DERA: variants seen among roughly 807,000 people sequenced by gnomAD.
DERA encodes the protein 2-deoxy-D-ribose 5-phosphate aldolase.
A neutral mutation model predicts 41.1 loss-of-function variants in DERA; 15 were observed. That is an observed-to-expected ratio of 0.37 (90% confidence interval 0.24 to 0.56). DERA has a LOEUF of 0.56. Ranked by LOEUF, DERA falls within the 20% of genes least tolerant of loss-of-function variation. DERA has a pLI of 0.81. For synonymous variants in DERA, 139 were observed against 137.4 expected (o/e 1.01, Z -0.08); for missense variants, 396 against 403.4 (o/e 0.98, Z 0.16).
intron 1 of DERA, among the ~76,000 whole-genome samples, chr12:15,930,597 G>A (rs1040106586): frequency 1.3e-4 from 20 of 151,878 alleles, no homozygotes; most frequent in African/African-American, 2.4e-4. Context: ...CTTTTTTGTC[G>A]TTGCCAAAAT....
chr12:15,982,326 G>A lies in DERA; in HGVS notation c.527G>A (p.Arg176His), dbSNP rs746188769. 47 of 1,612,950 alleles carry A rather than the reference G, an allele frequency of 2.9e-5. No homozygotes were observed. Among genetic ancestry groups the A allele is most frequent in the Middle Eastern group, 1.6e-4 (1 of 6,080 alleles). The change falls in exon 6 of 9, where the codon CGT becomes CAT. Residue 176 changes from arginine (R) to histidine (H), a missense_variant. Physicochemically the swap from Arg to His is conservative, Grantham distance 29. Coordinates refer to ENST00000428559, the MANE Select transcript of DERA (RefSeq NM_015954.4). The surrounding 1 kb of genome is among the most constrained non-coding windows in gnomAD (Gnocchi z 4.0). Reference sequence around the variant, plus strand: ...TCCCCAGCCCTGTATGATGAGATTCGTCAGTTTCGCAAGGCCTGTGGGGAG... The same window carrying A: ...TCCCCAGCCCTGTATGATGAGATTCATCAGTTTCGCAAGGCCTGTGGGGAG... Reference protein sequence around the residue: ...GQWEALYDEIRQFRKACGEAH... With the variant: ...GQWEALYDEIHQFRKACGEAH...
chr12:15,943,928 T>A lies in DERA; in HGVS notation c.32-13008T>A, dbSNP rs1172654061. Among the ~76,000 whole-genome samples the A allele has an allele frequency of 1.5e-5, 2 of 134,150 alleles. No individual in the cohort carries two copies. The highest frequency in any genetic ancestry group is 2.6e-4 in the South Asian group (1 of 3,834). 88.0% of individuals were successfully genotyped at this position (134,150 alleles called of 152,430 possible). On this transcript the variant is annotated intron_variant, in intron 1 of 8. Transcript: ENST00000428559. The surrounding 1 kb of genome is among the most constrained non-coding windows in gnomAD (Gnocchi z 4.5). ...GGTGTGTGATGTTCCCCTTCCTGTG[T>A]CCAAGTGTTCTCATTGTTCAATTCC...
intron 6 of DERA, among the ~76,000 whole-genome samples, chr12:16,028,156 G>A (rs1949065087): frequency 6.6e-6 from 1 of 152,184 alleles, no homozygotes; most frequent in South Asian, 2.1e-4. Context: ...AGGAGCCAGG[G>A]CTCATTGGAG....
chr12:15,944,693 A>G (rs1340019695), intron 1 of DERA, among the ~76,000 whole-genome samples: 13 of 152,106 alleles, frequency 8.5e-5, no homozygotes, highest in Non-Finnish European at 1.0e-4. Flanking sequence ...TGTTCACTCT[A>G]ATGGTAGTTT....
intron 5 of DERA, among the ~76,000 whole-genome samples, chr12:15,973,958 G>T (rs1948681044): frequency 6.6e-6 from 1 of 152,222 alleles, no homozygotes; most frequent in East Asian, 1.9e-4. Context: ...TTACAGAAAA[G>T]TTGTAAAATT....
rs1297483386 is a variant in DERA, at chr12:15,959,116, A to C, written c.278-713A>C. On this transcript the variant is annotated intron_variant, in intron 3 of 8. Coordinates refer to ENST00000428559, the MANE Select transcript of DERA (RefSeq NM_015954.4). The surrounding 1 kb of genome is among the most constrained non-coding windows in gnomAD (Gnocchi z 4.5). ...TGCAGGTCTTTTATCCCAAATAAAC[A>C]CGTTTAGGTTTGTAGGTAACATACA... 6.6e-6 allele frequency among the ~76,000 whole-genome samples: 1 copy of C among 152,020 alleles called. No individual in the cohort carries two copies. The highest frequency in any genetic ancestry group is 1.5e-5 in the Non-Finnish European group (1 of 68,004).
At chr12:15,968,873 A>C (rs1948641599) in intron 5 of DERA, among the ~76,000 whole-genome samples, 1 of 152,204 alleles carries the variant, frequency 6.6e-6, no homozygotes, top group South Asian at 2.1e-4. Flanking sequence ...TGTTAAGTGA[A>C]TAAAGTGGAA....
At chr12:15,917,519 C>T (rs982706309) in intron 1 of DERA, among the ~76,000 whole-genome samples, 4 of 152,166 alleles carry the variant, frequency 2.6e-5, no homozygotes, top group Non-Finnish European at 2.9e-5. Context: ...TCCCAGGAAT[C>T]CATTGTGCTA....
chr12:15,927,910 T>C (rs1467039654), intron 1 of DERA, among the ~76,000 whole-genome samples: 1 of 152,106 alleles, frequency 6.6e-6, no homozygotes, highest in Non-Finnish European at 1.5e-5. Flanking sequence ...CTAAAAACCA[T>C]ATAAGGGAAG....
intron 1 of DERA, among the ~76,000 whole-genome samples, chr12:15,934,300 C>T (rs1272679082): frequency 1.3e-5 from 2 of 152,070 alleles, no homozygotes; most frequent in South Asian, 4.1e-4. Context: ...AGAAGTTTTA[C>T]AATAGGCCCT....
rs1003971800 is a variant in DERA at position 15,978,143 on chromosome 12, T to C, written c.509-4165T>C. Among the ~76,000 whole-genome samples the C allele has an allele frequency of 2.0e-5, 3 of 152,330 alleles. No homozygotes were observed. The South Asian group carries it at 6.2e-4, about 32-fold the overall frequency. ...ATAATTTGAGATTGACTGGGTTACA[T>C]TTCAGCCATCAAGCCACTTTGATTA... On this transcript the variant is annotated intron_variant, in intron 5 of 8. Transcript: ENST00000428559.
intron 1 of DERA, among the ~76,000 whole-genome samples, chr12:15,955,742 GAGAA>G (rs1948533356): frequency 6.6e-6 from 1 of 152,192 alleles, no homozygotes; most frequent in African/African-American, 2.4e-5. Flanking sequence ...AAATGAGTGA[GAGAA>G]AGAATGTCAT....
chr12:15,946,158 A>C (rs559107725), intron 1 of DERA, among the ~76,000 whole-genome samples: 60 of 152,218 alleles, frequency 3.9e-4, no homozygotes, highest in Middle Eastern at 3.4e-3. Context: ...TTTTGCATCG[A>C]TGTTCATCAG....
rs1565594588 is a variant in DERA at position 15,954,829 on chromosome 12, C to G, written c.32-2107C>G. Reference sequence around the variant, plus strand: ...GTGTCCTGTGACCGATAAAGGACAGCCTGTCAAAGCCTTGCCCCACTGAGT... The same window carrying G: ...GTGTCCTGTGACCGATAAAGGACAGGCTGTCAAAGCCTTGCCCCACTGAGT... On this transcript the variant is annotated intron_variant, in intron 1 of 8. Coordinates refer to ENST00000428559, the MANE Select transcript of DERA (RefSeq NM_015954.4). The surrounding 1 kb of genome is among the most constrained non-coding windows in gnomAD (Gnocchi z 4.0). Among the ~76,000 whole-genome samples, 1 of 152,222 alleles carries G rather than the reference C, an allele frequency of 6.6e-6. No individual in the cohort carries two copies. The highest frequency in any genetic ancestry group is 2.1e-4 in the South Asian group (1 of 4,824).
rs1473522845 is a variant in DERA, at chr12:16,036,434, G to C, written c.900+53G>C. On this transcript the variant is annotated intron_variant, in intron 8 of 8. Coordinates refer to ENST00000428559, the MANE Select transcript of DERA (RefSeq NM_015954.4). This position sits in a 1 kb window ranked among gnomAD's most constrained non-coding sequence, Gnocchi z 4.9. ...AAATTAACAAGTGTTTTTTGAGAAAGGAATTGAAAAGTCAAATTGAGAACT... is the reference window on the plus strand; with the variant it reads ...AAATTAACAAGTGTTTTTTGAGAAACGAATTGAAAAGTCAAATTGAGAACT... 6.5e-7 allele frequency: 1 copy of C among 1,537,360 alleles called. No homozygotes were observed. Among genetic ancestry groups the C allele is most frequent in the Non-Finnish European group, 8.8e-7 (1 of 1,142,808 alleles).
At position 15,980,549 on chromosome 12, in the gene DERA, G is replaced by A. The variant is rs189453401; in HGVS notation, c.509-1759G>A. Among the ~76,000 whole-genome samples the A allele has an allele frequency of 4.5e-4, 67 of 149,422 alleles. No homozygotes were observed. The South Asian group carries it at 6.7e-3, about 15-fold the overall frequency. On this transcript the variant is annotated intron_variant, in intron 5 of 8. Coordinates refer to ENST00000428559, the MANE Select transcript of DERA (RefSeq NM_015954.4). Reference sequence around the variant, plus strand: ...TTAAAAGAATATAATTTTTTTTTTCGCTCCATAGTCTATTACTATTTTTAA... The same window carrying A: ...TTAAAAGAATATAATTTTTTTTTTCACTCCATAGTCTATTACTATTTTTAA...
rs1019457161 is a variant in DERA at position 15,979,000 on chromosome 12, C to A, written c.509-3308C>A. On this transcript the variant is annotated intron_variant, in intron 5 of 8. Transcript: ENST00000428559. ...ATGGGACAGGTTTAGAGTTAAGTAACTTACCCAAATCAAACAATAAACTAG... is the reference window on the plus strand; with the variant it reads ...ATGGGACAGGTTTAGAGTTAAGTAAATTACCCAAATCAAACAATAAACTAG... 2.0e-5 allele frequency among the ~76,000 whole-genome samples: 3 copies of A among 152,200 alleles called. No individual in the cohort carries two copies. In the East Asian group the frequency reaches 5.8e-4, roughly 29 times the overall value.
rs1233868838 is a variant in DERA at position 16,001,146 on chromosome 12, G to C, written c.637+18710G>C. 6.6e-6 allele frequency among the ~76,000 whole-genome samples: 1 copy of C among 152,056 alleles called. No individual in the cohort carries two copies. Among genetic ancestry groups the C allele is most frequent in the East Asian group, 1.9e-4 (1 of 5,190 alleles). ...CAGAGCTGATACTCTATTTCTTCCT[G>C]CTAAAATTCGGGCTCCCATTAGAGG... On this transcript the variant is annotated intron_variant, in intron 6 of 8. Transcript: ENST00000428559. This position sits in a 1 kb window ranked among gnomAD's most constrained non-coding sequence, Gnocchi z 4.1.
rs2136187450 is a variant in DERA at position 16,026,361 on chromosome 12, C to T, written c.638-6181C>T. 1.3e-5 allele frequency among the ~76,000 whole-genome samples: 2 copies of T among 151,558 alleles called. No individual in the cohort carries two copies. Among genetic ancestry groups the T allele is most frequent in the East Asian group, 3.9e-4 (2 of 5,164 alleles). On this transcript the variant is annotated intron_variant, in intron 6 of 8. Transcript: ENST00000428559. This position sits in a 1 kb window ranked among gnomAD's most constrained non-coding sequence, Gnocchi z 4.4. Reference sequence around the variant, plus strand: ...TCGGAAATGAAAGAAGGGTCATCTCCTCTTCCCATGGATATTAAAAGGATT... The same window carrying T: ...TCGGAAATGAAAGAAGGGTCATCTCTTCTTCCCATGGATATTAAAAGGATT...
Sources: gnomAD v4.1 joint callset for allele counts (sites outside exome capture counted in the v4.1 genomes callset) on GRCh38, gnomAD v4.1.1 for gene constraint, Gnocchi (gnomAD v3.1) non-coding constraint, MANE v1.5 for transcripts, NCBI Gene and HGNC (gene_info 2026-07-23, HGNC 2026-07-21) for gene names.